Variants in RNF150 observed in about 807,000 individuals in gnomAD.
RNF150 encodes ring finger protein 150.
Under a neutral mutation model 39.3 loss-of-function variants are expected in RNF150, and 24 were observed. The observed-to-expected ratio is 0.61, with a 90% CI of 0.44 to 0.86. The LOEUF (loss-of-function observed/expected upper bound fraction) is 0.86, where lower values mean the gene tolerates loss of function less well. Ranked by LOEUF, RNF150 falls within the 40% of genes least tolerant of loss-of-function variation. The pLI, the probability that RNF150 is intolerant of heterozygous loss-of-function variation, is 0.00. For missense variants in RNF150, 502 were observed against 587.8 expected (o/e 0.85, Z 1.51); for synonymous variants, 255 against 227.3 (o/e 1.12, Z -1.10).
At chr4:141,101,409 T>G (rs1739005249) in intron 1 of RNF150, among the ~76,000 whole-genome samples, 1 of 151,940 alleles carries the variant, frequency 6.6e-6, no homozygotes, top group Non-Finnish European at 1.5e-5. Context: ...GTCCTCTACC[T>G]CCATATATTG....
rs1737761082 is a variant in RNF150 at position 140,861,969 on chromosome 4, AT to A, written c.*6291del. The stretch of plus-strand genomic sequence containing the variant: ...TAAGGTTTAATGGTTTCATTCAACC[AT>A]GCAACCCACCTTCGCTTTTATTTAT... On this transcript the variant is annotated 3_prime_UTR_variant, in exon 7 of 7. Coordinates refer to ENST00000515673, the MANE Select transcript of RNF150 (RefSeq NM_020724.2). The A allele has an allele frequency of 6.6e-6, 1 of 152,242 alleles. No individual in the cohort carries two copies. The highest frequency in any genetic ancestry group is 2.4e-5 in the African/African-American group (1 of 41,474). 9.4% of individuals were successfully genotyped at this position (152,242 alleles called of 1,614,324 possible).
intron 1 of RNF150, among the ~76,000 whole-genome samples, chr4:141,181,165 T>C (rs187596572): frequency 3.2e-4 from 48 of 152,320 alleles, no homozygotes; most frequent in Non-Finnish European, 1.3e-4. Context: ...GACTTTCTAC[T>C]TGTGGTACTT....
intron 4 of RNF150, among the ~76,000 whole-genome samples, chr4:140,929,568 G>A (rs931624772): frequency 1.3e-5 from 2 of 151,634 alleles, no homozygotes; most frequent in East Asian, 1.9e-4. Context: ...GGGTTTCATC[G>A]TGTTGGCCAG....
At chr4:141,053,377 T>A (rs1736851958) in intron 1 of RNF150, among the ~76,000 whole-genome samples, 1 of 152,020 alleles carries the variant, frequency 6.6e-6, no homozygotes, top group Admixed American at 6.6e-5. Flanking sequence ...TTAAAAAAAA[T>A]GTTCAAATGG....
intron 4 of RNF150, among the ~76,000 whole-genome samples, chr4:140,942,714 T>A (rs1732137329): frequency 6.6e-6 from 1 of 152,220 alleles, no homozygotes; most frequent in South Asian, 2.1e-4. Context: ...CCAGTGAGCA[T>A]TTCCCTTGGC....
At position 141,000,797 on chromosome 4, in the gene RNF150, C is replaced by T. The variant is rs148932700; in HGVS notation, c.485-32924G>A. 2.5e-3 allele frequency among the ~76,000 whole-genome samples: 385 copies of T among 152,232 alleles called. 1 individual carries two copies. The highest frequency in any genetic ancestry group is 8.8e-3 in the African/African-American group (364 of 41,554). On this transcript the variant is annotated intron_variant, in intron 1 of 6. Transcript: ENST00000515673. ...GTGGATTTTGTTGGGAGGGAGGCCA[C>T]GTAAATGTTAACTCCTTGACAGGCA...
chr4:140,908,141 T>C (rs1730462992), intron 6 of RNF150, among the ~76,000 whole-genome samples: 1 of 152,254 alleles, frequency 6.6e-6, no homozygotes, highest in Non-Finnish European at 1.5e-5. Context: ...GAGTTGAGTA[T>C]AATAATGTTG....
chr4:141,172,141 G>T (rs1007435521), intron 1 of RNF150, among the ~76,000 whole-genome samples: 1 of 152,130 alleles, frequency 6.6e-6, no homozygotes, highest in African/African-American at 2.4e-5. Context: ...GTTAGCTGGT[G>T]CTTCTCTGCT....
At chr4:140,971,775 T>C (rs1733476870) in intron 1 of RNF150, among the ~76,000 whole-genome samples, 1 of 152,118 alleles carries the variant, frequency 6.6e-6, no homozygotes, top group Non-Finnish European at 1.5e-5. Context: ...GTTTAATAAC[T>C]AGGAAAGCTT....
intron 1 of RNF150, among the ~76,000 whole-genome samples, chr4:141,158,874 A>T (rs1049465867): frequency 5.3e-5 from 8 of 152,304 alleles, no homozygotes; most frequent in African/African-American, 1.9e-4. Context: ...ATTCACAGAT[A>T]ATCTGAAATT....
intron 1 of RNF150, among the ~76,000 whole-genome samples, chr4:141,193,374 C>T (rs889570818): frequency 3.9e-5 from 6 of 152,230 alleles, no homozygotes; most frequent in African/African-American, 1.4e-4. Context: ...TGGGCTTAAC[C>T]TAGTCCATGT....
chr4:141,157,228 A>G (rs6812286), intron 1 of RNF150, among the ~76,000 whole-genome samples: 35,167 of 151,996 alleles, frequency 0.23, 4,599 homozygotes, highest in East Asian at 0.56. Context: ...CCCCCCAAAA[A>G]TGTAGGGGTG....
chr4:140,981,520 C>A (rs573582036), intron 1 of RNF150, among the ~76,000 whole-genome samples: 2 of 152,224 alleles, frequency 1.3e-5, no homozygotes, highest in East Asian at 3.9e-4. Context: ...AATTTATATG[C>A]TACCAAAAAG....
chr4:141,195,128 C>A (rs911018954), intron 1 of RNF150, among the ~76,000 whole-genome samples: 1 of 128,934 alleles, frequency 7.8e-6, no homozygotes, highest in African/African-American at 3.1e-5. Context: ...ACACACACAC[C>A]TGTGCACAAG....
Position 140,896,596 on chromosome 4 carries a change from A to C in RNF150, c.1198+14548T>G, listed in dbSNP as rs1230136797. On this transcript the variant is annotated intron_variant, in intron 6 of 6. Coordinates refer to ENST00000515673, the MANE Select transcript of RNF150 (RefSeq NM_020724.2). ...AGATATACCTAATGCTAGATGACAC[A>C]TTAGTGGGTGCAGCGCACCAGCATG... Among the ~76,000 whole-genome samples, 2 of 101,348 alleles carry C rather than the reference A, an allele frequency of 2.0e-5. 1 individual carries two copies. The highest frequency in any genetic ancestry group is 4.0e-5 in the Non-Finnish European group (2 of 49,862). 66.5% of individuals were successfully genotyped at this position (101,348 alleles called of 152,430 possible).
chr4:141,187,566 T>C (rs1578787582), intron 1 of RNF150, among the ~76,000 whole-genome samples: 1 of 152,244 alleles, frequency 6.6e-6, no homozygotes, highest in South Asian at 2.1e-4. Flanking sequence ...TTAGGATAGT[T>C]AACTCTTCTT....
chr4:140,912,656 A>C (rs1730650516), intron 5 of RNF150, among the ~76,000 whole-genome samples: 1 of 152,176 alleles, frequency 6.6e-6, no homozygotes, highest in Non-Finnish European at 1.5e-5. Flanking sequence ...CCTGTGTCCT[A>C]ACAGTCAGCT....
At chr4:140,879,980 C>G (rs961576463) in intron 6 of RNF150, among the ~76,000 whole-genome samples, 3 of 152,072 alleles carry the variant, frequency 2.0e-5, no homozygotes, top group African/African-American at 7.2e-5. Context: ...AAATTGGATG[C>G]TTTTTATATA....
intron 1 of RNF150, among the ~76,000 whole-genome samples, chr4:140,975,274 T>A (rs1418065578): frequency 1.3e-5 from 2 of 152,014 alleles, no homozygotes; most frequent in African/African-American, 2.4e-5. Flanking sequence ...AACAAATACA[T>A]AAAATACAGT....
Sources: gnomAD v4.1 joint callset for allele counts (sites outside exome capture counted in the v4.1 genomes callset) on GRCh38, gnomAD v4.1.1 for gene constraint, MANE v1.5 for transcripts, NCBI Gene and HGNC (gene_info 2026-07-23, HGNC 2026-07-21) for gene names.